Variants in SNED1 observed in about 807,000 individuals in gnomAD.
SNED1 encodes the protein sushi, nidogen and EGF like domains 1, also known as sushi, nidogen and EGF-like domain-containing protein 1.
A neutral mutation model predicts 166.7 loss-of-function variants in SNED1; 81 were observed. The observed-to-expected ratio is 0.49, with a 90% CI of 0.41 to 0.58. The LOEUF (loss-of-function observed/expected upper bound fraction) is 0.58, where lower values mean the gene tolerates loss of function less well. Among genes scored for constraint, SNED1 ranks in the 20% least tolerant of loss-of-function variants. The probability of loss-of-function intolerance (pLI) is 0.00; values close to 1 mark genes in which losing one functional copy is unlikely to be tolerated. For synonymous variants in SNED1, 762 were observed against 822.0 expected (o/e 0.93, Z 1.25); for missense variants, 1,604 against 2,000.2 (o/e 0.80, Z 3.78).
Position 241,070,146 on chromosome 2 carries a change from G to A in SNED1, c.3534G>A (p.Gln1178=). Residue 1178 remains glutamine, a synonymous_variant, in exon 24 of 32, where the codon CAG becomes CAA. Transcript: ENST00000310397. ...ACCAGCTCTCTGTGATAGCAGTGCA[G>A]AGCACGGAGCTCGGGCCGCAGCACA... ...RRYQLSVIAV[Q]STELGPQHSE... 6.2e-7 allele frequency: 1 copy of A among 1,610,524 alleles called. No individual in the cohort carries two copies.
intron 3 of SNED1, 74 bp from the exon 4 acceptor site, chr2:241,034,494 G>A (rs574880279): frequency 9.8e-5 from 134 of 1,362,136 alleles, no homozygotes; most frequent in Non-Finnish European, 1.3e-4. Context: ...GGAACATGGT[G>A]GGGGCAGGGT....
chr2:241,017,249 G>A (rs1184753156), intron 1 of SNED1, among the ~76,000 whole-genome samples: 1 of 152,228 alleles, frequency 6.6e-6, no homozygotes, highest in Non-Finnish European at 1.5e-5. Flanking sequence ...GTTGATGGGT[G>A]CCGGCAGAAA....
intron 31 of SNED1, chr2:241,089,261 G>A (rs2063753098): frequency 1.3e-6 from 2 of 1,533,190 alleles, no homozygotes. Flanking sequence ...TGCTCTTCCT[G>A]CCCCTTATAG....
Position 241,073,460 on chromosome 2 carries a change from T to G in SNED1, c.3916+96T>G. On this transcript the variant is annotated intron_variant, in intron 27 of 31. Coordinates refer to ENST00000310397, the MANE Select transcript of SNED1 (RefSeq NM_001080437.3). This position sits in a 1 kb window ranked among gnomAD's most constrained non-coding sequence, Gnocchi z 6.6. ...AGGAGGGACCACCCACGGTGAGGAATCAGGAGGCACAGAGCCTACCTGAGG... is the reference window on the plus strand; with the variant it reads ...AGGAGGGACCACCCACGGTGAGGAAGCAGGAGGCACAGAGCCTACCTGAGG... 9.8e-7 allele frequency: 1 copy of G among 1,021,656 alleles called. No homozygotes were observed. The highest frequency in any genetic ancestry group is 1.5e-6 in the Non-Finnish European group (1 of 664,970). The allele number at this position is 1,021,656 out of a possible 1,614,324, so 63.3% of individuals were successfully genotyped here.
At chr2:241,033,529 C>T (rs758395663) in intron 2 of SNED1, 3 of 567,226 alleles carry the variant, frequency 5.3e-6, no homozygotes, top group Non-Finnish European at 9.2e-6. Flanking sequence ...TTGCAGACGG[C>T]CTCTGCTGAG....
chr2:241,000,159 G>T (rs1054535668), intron 1 of SNED1, among the ~76,000 whole-genome samples: 1 of 151,978 alleles, frequency 6.6e-6, no homozygotes, highest in Admixed American at 6.6e-5. Flanking sequence ...GCTTCCCGTC[G>T]TCACCATCCA....
intron 1 of SNED1, among the ~76,000 whole-genome samples, chr2:241,002,894 C>T (rs376541380): frequency 6.6e-5 from 10 of 152,030 alleles, no homozygotes; most frequent in African/African-American, 2.4e-4. Flanking sequence ...TCACCCTCCA[C>T]GTCAGCAGCA....
chr2:241,088,345 C>G lies in SNED1; in HGVS notation c.4206-20C>G. On this transcript the variant is annotated intron_variant, in intron 30 of 31. Transcript: ENST00000310397. ...ACACAGTCTCTTTTTCATTAAACGACTTTTCTCTAATTATTTCAGGAAACA... is the reference window on the plus strand; with the variant it reads ...ACACAGTCTCTTTTTCATTAAACGAGTTTTCTCTAATTATTTCAGGAAACA... The G allele has an allele frequency of 6.3e-7, 1 of 1,593,480 alleles. No homozygotes were observed. The highest frequency in any genetic ancestry group is 8.6e-7 in the Non-Finnish European group (1 of 1,161,270).
upstream of SNED1, among the ~76,000 whole-genome samples, chr2:240,998,541 C>T (rs1445245213): frequency 1.3e-5 from 2 of 152,050 alleles, no homozygotes; most frequent in Non-Finnish European, 1.5e-5. Context: ...CTTTAAGAGA[C>T]GCCCGATTTG....
At chr2:241,001,766 T>C (rs2060084129) in intron 1 of SNED1, among the ~76,000 whole-genome samples, 1 of 152,140 alleles carries the variant, frequency 6.6e-6, no homozygotes, top group Non-Finnish European at 1.5e-5. Flanking sequence ...ACTGCCCCCA[T>C]CCACAGCATG....
At chr2:241,002,576 G>A (rs964047576) in intron 1 of SNED1, among the ~76,000 whole-genome samples, 2 of 152,150 alleles carry the variant, frequency 1.3e-5, no homozygotes, top group African/African-American at 2.4e-5. Context: ...CTGGAGTCGA[G>A]GAGGATGCTG....
rs1415909116 is a variant in SNED1 at position 241,051,644 on chromosome 2, C to T, written c.1736-100C>T. 1.0e-6 allele frequency: 1 copy of T among 970,218 alleles called. No homozygotes were observed. Among genetic ancestry groups the T allele is most frequent in the East Asian group, 2.8e-5 (1 of 36,260 alleles). 60.1% of individuals were successfully genotyped at this position (970,218 alleles called of 1,614,324 possible). A position where few individuals can be genotyped will look rare whatever the true frequency, so the allele number is the denominator to read the frequency against. ...CCCCAGGGCTTCGTCGAGAAGGCCC[C>T]ACCAGCACCAGAGGACTGAGGAGAT... On this transcript the variant is annotated intron_variant, in intron 12 of 31. Coordinates refer to ENST00000310397, the MANE Select transcript of SNED1 (RefSeq NM_001080437.3). The surrounding 1 kb of genome is among the most constrained non-coding windows in gnomAD (Gnocchi z 4.7).
At position 240,999,450 on chromosome 2, in the gene SNED1, C is replaced by T. The variant is rs2060009568; in HGVS notation, c.213+400C>T. Among the ~76,000 whole-genome samples, 1 of 152,228 alleles carries T rather than the reference C, an allele frequency of 6.6e-6. No individual in the cohort carries two copies. Among genetic ancestry groups the T allele is most frequent in the South Asian group, 2.1e-4 (1 of 4,836 alleles). On this transcript the variant is annotated intron_variant, in intron 1 of 31. Coordinates refer to ENST00000310397, the MANE Select transcript of SNED1 (RefSeq NM_001080437.3). The surrounding 1 kb of genome is among the most constrained non-coding windows in gnomAD (Gnocchi z 5.8). ...CAGTTTCCCAAGTGGGGCGCCGGGC[C>T]TGCGAAGGTTGCAGCCCCTCCTTGG...
intron 20 of SNED1, 129 bp downstream of exon 20, chr2:241,065,086 G>A (rs959206589): frequency 2.4e-6 from 2 of 835,658 alleles, no homozygotes; most frequent in South Asian, 3.6e-5. Context: ...GGAACAGGGA[G>A]GGGATAAAAT....
Position 241,053,289 on chromosome 2 carries a change from G to A in SNED1, c.2220G>A (p.Gln740=), listed in dbSNP as rs1205883669. ...LSAPSRIRVC[Q]PHGVWSEPPQ... ...CCCCCAGCCGCATCCGGGTCTGCCAGCCACACGGTGTCTGGAGTGAGCCTC... is the reference window on the plus strand; with the variant it reads ...CCCCCAGCCGCATCCGGGTCTGCCAACCACACGGTGTCTGGAGTGAGCCTC... Residue 740 remains glutamine, a synonymous_variant, in exon 16 of 32, where the codon CAG becomes CAA. Transcript: ENST00000310397. The A allele has an allele frequency of 6.3e-7, 1 of 1,599,018 alleles. No individual in the cohort carries two copies.
chr2:241,072,158 G>A (rs1202832065), intron 26 of SNED1: 1 of 670,372 alleles, frequency 1.5e-6, no homozygotes, highest in Non-Finnish European at 2.7e-6. Flanking sequence ...AAACATTTTA[G>A]AAGCAGGTCT....
chr2:241,046,671 A>G (rs1045925767), intron 8 of SNED1, among the ~76,000 whole-genome samples: 1 of 152,222 alleles, frequency 6.6e-6, no homozygotes, highest in Non-Finnish European at 1.5e-5. Flanking sequence ...CTCTGAAGAG[A>G]TAGACCAAAG....
chr2:241,040,450 T>C lies in SNED1; in HGVS notation c.1273+37T>C. 3 of 1,383,880 alleles carry C rather than the reference T, an allele frequency of 2.2e-6. No individual in the cohort carries two copies. In the Admixed American group the frequency reaches 6.3e-5, roughly 29 times the overall value. 85.7% of individuals were successfully genotyped at this position (1,383,880 alleles called of 1,614,324 possible). On this transcript the variant is annotated intron_variant, in intron 8 of 31. Coordinates refer to ENST00000310397, the MANE Select transcript of SNED1 (RefSeq NM_001080437.3). ...AGTGCCTGCAGGCCACCATGGCTGA[T>C]GGTGGCTTTGTGCCGTGAACACCCC... is the stretch of plus-strand genomic sequence containing the variant.
intron 15 of SNED1, 54 bp from the exon 16 acceptor site, chr2:241,053,099 G>T: frequency 6.5e-7 from 1 of 1,543,124 alleles, no homozygotes; most frequent in Non-Finnish European, 8.8e-7. Flanking sequence ...CAGGGCGGTG[G>T]GGAGGGGCCA....
Sources: allele counts gnomAD v4.1 joint callset (sites outside exome capture counted in the v4.1 genomes callset), GRCh38; gene constraint gnomAD v4.1.1; non-coding constraint Gnocchi (gnomAD v3.1); transcripts MANE v1.5; gene names NCBI Gene and HGNC (gene_info 2026-07-23, HGNC 2026-07-21).